Variants in FAM135A observed in about 807,000 individuals in gnomAD.
The protein encoded by FAM135A is protein FAM135A.
A neutral mutation model predicts 146.8 loss-of-function variants in FAM135A; 79 were observed. The observed-to-expected ratio is 0.54, with a 90% CI of 0.45 to 0.65. FAM135A has a LOEUF of 0.65. Ranked by LOEUF, FAM135A falls within the 30% of genes least tolerant of loss-of-function variation. The pLI, the probability that FAM135A is intolerant of heterozygous loss-of-function variation, is 0.00. For synonymous variants in FAM135A, 562 were observed against 603.6 expected (o/e 0.93, Z 1.01); for missense variants, 1,623 against 1,758.2 (o/e 0.92, Z 1.38).
chr6:70,507,158 C>G (rs1446608773), intron 12 of FAM135A, among the ~76,000 whole-genome samples: 2 of 152,146 alleles, frequency 1.3e-5, no homozygotes, highest in Admixed American at 1.3e-4. Flanking sequence ...CTAAATGAAT[C>G]ATGGAAGGAT....
intron 12 of FAM135A, among the ~76,000 whole-genome samples, chr6:70,505,854 G>T (rs999078596): frequency 6.6e-6 from 1 of 151,980 alleles, no homozygotes; most frequent in Non-Finnish European, 1.5e-5. Context: ...TAGTAAACAG[G>T]ATCCATGTAT....
At chr6:70,517,962 G>A (rs1792672918) in intron 12 of FAM135A, among the ~76,000 whole-genome samples, 4 of 152,086 alleles carry the variant, frequency 2.6e-5, no homozygotes. Flanking sequence ...AATATGCAAT[G>A]ATCTCTAAGT....
intron 14 of FAM135A, 97 bp downstream of exon 14, chr6:70,524,218 T>G: frequency 7.1e-7 from 1 of 1,402,174 alleles, no homozygotes; most frequent in Non-Finnish European, 9.5e-7. Context: ...TGGAATAGTT[T>G]TTTTCCCTCT....
In FAM135A at chr6:70,524,709, C is replaced by T; in HGVS notation, c.1625C>T (p.Pro542Leu). ...CTCATTAAATGCTTTGAAGGCAATC[C>T]TTCACATAGTCAGAAGGAAGGTCTG... ...NDLIKCFEGN[P>L]SHSQKEGLDP... The change falls in exon 15 of 22, where the codon CCT (proline) becomes CTT (leucine). Residue 542 changes from proline (P) to leucine (L), a missense_variant. Pro to Leu is a moderately conservative substitution (Grantham distance 98). Around this residue, in one of 7 missense-constraint regions of FAM135A, gnomAD observed 1,061 missense variants for 1,113.8 expected, o/e 0.95. Transcript: ENST00000418814. 1 of 1,550,184 alleles carries T rather than the reference C, an allele frequency of 6.5e-7. No homozygotes were observed. Among genetic ancestry groups the T allele is most frequent in the Non-Finnish European group, 8.7e-7 (1 of 1,146,526 alleles).
chr6:70,520,345 TTA>T (rs1380047072), intron 12 of FAM135A, among the ~76,000 whole-genome samples: 1 of 152,192 alleles, frequency 6.6e-6, no homozygotes, highest in Non-Finnish European at 1.5e-5. Flanking sequence ...TGCAAGGTGC[TTA>T]TTTTTTTCAA....
intron 12 of FAM135A, among the ~76,000 whole-genome samples, chr6:70,517,528 C>T (rs1433648001): frequency 1.3e-5 from 2 of 151,480 alleles, no homozygotes; most frequent in East Asian, 1.9e-4. Flanking sequence ...AAGCAATTCT[C>T]CTGCCTCAGC....
In FAM135A at chr6:70,482,012, C is replaced by T. The variant is rs780442601; in HGVS notation, c.681C>T (p.Phe227=). The T allele has an allele frequency of 6.2e-7, 1 of 1,612,518 alleles. No homozygotes were observed. The highest frequency in any genetic ancestry group is 8.5e-7 in the Non-Finnish European group (1 of 1,179,270). The change falls in exon 10 of 22, where the codon TTC becomes TTT. Residue 227 remains phenylalanine (F), a synonymous_variant. Coordinates refer to ENST00000418814, the MANE Select transcript of FAM135A (RefSeq NM_001162529.3). ...TKQLSPDGCS[F]IIADSFLHHA... ...TGTTTTTTGTTTAGGGTTGTAGCTT[C>T]ATCATTGCAGACTCCTTCCTACATC...
intron 12 of FAM135A, among the ~76,000 whole-genome samples, chr6:70,519,951 G>T (rs1793183066): frequency 6.6e-6 from 1 of 151,994 alleles, no homozygotes. Context: ...TATTTAATGT[G>T]CTCAGCTTTT....
chr6:70,501,142 T>C (rs1291570206), intron 11 of FAM135A, among the ~76,000 whole-genome samples: 1 of 152,132 alleles, frequency 6.6e-6, no homozygotes, highest in African/African-American at 2.4e-5. Flanking sequence ...AGATGGGAGT[T>C]TATCTGTAAG....
chr6:70,500,165 C>CTT (rs1715530566), intron 11 of FAM135A, among the ~76,000 whole-genome samples: 1 of 152,110 alleles, frequency 6.6e-6, no homozygotes, highest in Admixed American at 6.5e-5. Context: ...TTTTTGGAGG[C>CTT]TTTGTTCATT....
chr6:70,484,011 G>A (rs1218077294), intron 10 of FAM135A, among the ~76,000 whole-genome samples: 1 of 152,158 alleles, frequency 6.6e-6, no homozygotes, highest in Non-Finnish European at 1.5e-5. Context: ...AAGCAAAGGT[G>A]AGATTATCCA....
chr6:70,489,017 T>A lies in FAM135A; in HGVS notation c.824-2017T>A, dbSNP rs374403023. ...CTTTAAGATACTGTTTGCATTGAAG[T>A]AGCTCTCAGTAGCTATAATGCAAAC... On this transcript the variant is annotated intron_variant, in intron 10 of 21. Coordinates refer to ENST00000418814, the MANE Select transcript of FAM135A (RefSeq NM_001162529.3). Among the ~76,000 whole-genome samples, 20 of 152,322 alleles carry A rather than the reference T, an allele frequency of 1.3e-4. No individual in the cohort carries two copies. In the East Asian group the frequency reaches 3.5e-3, roughly 26 times the overall value.
intron 12 of FAM135A, among the ~76,000 whole-genome samples, chr6:70,521,265 G>A (rs1345152920): frequency 6.6e-6 from 1 of 152,288 alleles, no homozygotes; most frequent in East Asian, 1.9e-4. Context: ...AGCAGCTAGC[G>A]CCAGTTTCGT....
rs1783799491 is a variant in FAM135A at position 70,482,016 on chromosome 6, A to G, written c.685A>G (p.Ile229Val). Reference sequence around the variant, plus strand: ...TTTTGTTTAGGGTTGTAGCTTCATCATTGCAGACTCCTTCCTACATCATGC... The same window carrying G: ...TTTTGTTTAGGGTTGTAGCTTCATCGTTGCAGACTCCTTCCTACATCATGC... ...QLSPDGCSFI[I>V]ADSFLHHAYR... Residue 229 changes from isoleucine (I) to valine (V), a missense_variant, in exon 10 of 22, where the codon ATT becomes GTT. Physicochemically the swap from Ile to Val is conservative, Grantham distance 29. Coordinates refer to ENST00000418814, the MANE Select transcript of FAM135A (RefSeq NM_001162529.3). The G allele has an allele frequency of 1.9e-6, 3 of 1,612,826 alleles. No homozygotes were observed. The South Asian group carries it at 3.3e-5, about 18-fold the overall frequency.
At chr6:70,546,051 GT>G (rs891939403) in intron 20 of FAM135A, among the ~76,000 whole-genome samples, 39 of 149,752 alleles carry the variant, frequency 2.6e-4, no homozygotes, top group Middle Eastern at 3.4e-3. Context: ...GGGTTTTGGG[GT>G]TTTTTTTTCG....
At chr6:70,497,490 C>A (rs1787551047) in intron 11 of FAM135A, among the ~76,000 whole-genome samples, 1 of 152,144 alleles carries the variant, frequency 6.6e-6, no homozygotes, top group South Asian at 2.1e-4. Flanking sequence ...CGTTTTATTT[C>A]TTTCTCTTGC....
rs1323815071 is a variant in FAM135A at position 70,524,364 on chromosome 6, G to A, written c.1280G>A (p.Gly427Glu). ...VTEDLDAPWM[G>E]IQNLQRSESS... ...AAAGACTTAGATGCACCCTGGATGG[G>A]AATTCAGAATCTTCAGAGATCAGAG... The change falls in exon 15 of 22, where the codon GGA becomes GAA. Residue 427 changes from glycine to glutamate, a missense_variant. Transcript: ENST00000418814. The A allele has an allele frequency of 6.7e-7, 1 of 1,492,814 alleles. No homozygotes were observed. Among genetic ancestry groups the A allele is most frequent in the Non-Finnish European group, 8.9e-7 (1 of 1,126,708 alleles). The allele number at this position is 1,492,814 out of a possible 1,614,324, so 92.5% of individuals were successfully genotyped here.
intron 8 of FAM135A, among the ~76,000 whole-genome samples, chr6:70,478,451 A>T (rs1248098327): frequency 6.6e-6 from 1 of 152,162 alleles, no homozygotes; most frequent in Non-Finnish European, 1.5e-5. Flanking sequence ...TGCTTAAGGG[A>T]TATGATGGTA....
intron 16 of FAM135A, among the ~76,000 whole-genome samples, chr6:70,530,332 G>A (rs1309233719): frequency 6.6e-6 from 1 of 151,974 alleles, no homozygotes; most frequent in Non-Finnish European, 1.5e-5. Context: ...ATGTGATTAA[G>A]CATATATATT....
Sources: gnomAD v4.1 joint callset for allele counts (sites outside exome capture counted in the v4.1 genomes callset) on GRCh38, gnomAD v4.1.1 for gene constraint, gnomAD v4.1.1 regional missense constraint, MANE v1.5 for transcripts, NCBI Gene and HGNC (gene_info 2026-07-23, HGNC 2026-07-21) for gene names.